The following UGT1A10 variants were observed in gnomAD, a reference collection of about 807,000 sequenced individuals.
UGT1A10 encodes the protein UDP-glucuronosyltransferase 1A10.
UGT1A10 carries 49 observed loss-of-function variants against 45.8 expected under a neutral mutation model. That is an observed-to-expected ratio of 1.07 (90% CI 0.85 to 1.36). The LOEUF is 1.36. Among genes scored for constraint, UGT1A10 ranks in the 40% most tolerant of loss-of-function variants. The pLI, the probability that UGT1A10 is intolerant of heterozygous loss-of-function variation, is 0.00. For synonymous variants in UGT1A10, 284 were observed against 249.7 expected, an observed-to-expected ratio of 1.14 and a Z score of -1.29; for missense variants, 745 against 668.6, an observed-to-expected ratio of 1.11 and a Z score of -1.26.
rs1182689801 is a variant in UGT1A10, at chr2:233,724,261, G to A, written c.856-42773G>A. Among the ~76,000 whole-genome samples, 54 of 98,670 alleles carry A rather than the reference G, an allele frequency of 5.5e-4. 1 individual carries two copies. The highest frequency in any genetic ancestry group is 1.1e-3 in the East Asian group (3 of 2,618). The allele number at this position is 98,670 out of a possible 152,430, so 64.7% of individuals were successfully genotyped here. Reference sequence around the variant, plus strand: ...CGGGCAGAGGCGCCCCTCACCTCCCGGACGGGGCGGCTGGCCGGGCGGGGG... The same window carrying A: ...CGGGCAGAGGCGCCCCTCACCTCCCAGACGGGGCGGCTGGCCGGGCGGGGG... On this transcript the variant is annotated intron_variant, in intron 1 of 4. Coordinates refer to ENST00000344644, the MANE Select transcript of UGT1A10 (RefSeq NM_019075.4).
intron 1 of UGT1A10, among the ~76,000 whole-genome samples, chr2:233,685,862 T>C (rs1362783391): frequency 6.6e-6 from 1 of 152,228 alleles, no homozygotes; most frequent in Non-Finnish European, 1.5e-5. Context: ...ATAGACACAA[T>C]ACCTAAGACA....
chr2:233,716,551 C>A (rs886765309), intron 1 of UGT1A10, among the ~76,000 whole-genome samples: 2 of 152,122 alleles, frequency 1.3e-5, no homozygotes, highest in Admixed American at 6.5e-5. Context: ...TCCTTATATT[C>A]CTTTTTTCAT....
intron 4 of UGT1A10, 126 bp from the exon 5 acceptor site, chr2:233,772,136 A>G (rs1700469037): frequency 6.5e-7 from 1 of 1,547,408 alleles, no homozygotes; most frequent in Non-Finnish European, 8.7e-7. Flanking sequence ...AACAACAATA[A>G]TAGAAACAGG....
At chr2:233,733,201 A>T (rs1269937689) in intron 1 of UGT1A10, among the ~76,000 whole-genome samples, 1 of 152,122 alleles carries the variant, frequency 6.6e-6, no homozygotes, top group Non-Finnish European at 1.5e-5. Flanking sequence ...GCTTAAGGAG[A>T]CTTTGGGCTG....
intron 1 of UGT1A10, chr2:233,682,902 T>C: frequency 6.7e-7 from 1 of 1,503,334 alleles, no homozygotes; most frequent in Non-Finnish European, 8.8e-7. Flanking sequence ...GGAATTTCTT[T>C]CTGGTTTAAG....
intron 1 of UGT1A10, chr2:233,760,773 G>C (rs780985622): frequency 2.5e-6 from 4 of 1,613,826 alleles, no homozygotes; most frequent in Non-Finnish European, 3.4e-6. Flanking sequence ...TCGTGGCCCA[G>C]TACCTGTCTC....
chr2:233,672,977 GA>G, intron 1 of UGT1A10, among the ~76,000 whole-genome samples: 1 of 152,202 alleles, frequency 6.6e-6, no homozygotes, highest in Non-Finnish European at 1.5e-5. Flanking sequence ...CCTTCTTGAA[GA>G]TATGTATTTA....
rs371053346 is a variant in UGT1A10 at position 233,720,746 on chromosome 2, C to T, written c.856-46288C>T. On this transcript the variant is annotated intron_variant, in intron 1 of 4. Coordinates refer to ENST00000344644, the MANE Select transcript of UGT1A10 (RefSeq NM_019075.4). ...CTTGAGACTGAGCCTCGTTCTGTCG[C>T]CCAGGCTGGAGGGCAGTGGCCGGAT... is the stretch of plus-strand genomic sequence containing the variant. Among the ~76,000 whole-genome samples the T allele has an allele frequency of 1.6e-4, 24 of 151,102 alleles. No individual in the cohort carries two copies. The South Asian group carries it at 4.7e-3, about 29-fold the overall frequency.
At chr2:233,751,036 G>T (rs1694621697) in intron 1 of UGT1A10, among the ~76,000 whole-genome samples, 1 of 151,846 alleles carries the variant, frequency 6.6e-6, no homozygotes, top group South Asian at 2.1e-4. Context: ...AGCTTGCACT[G>T]TGTGCCTGGA....
chr2:233,688,628 C>G (rs937345281), intron 1 of UGT1A10, among the ~76,000 whole-genome samples: 2 of 152,130 alleles, frequency 1.3e-5, no homozygotes, highest in Non-Finnish European at 2.9e-5. Flanking sequence ...ATGAGTTCGT[C>G]TTGTTTTTGT....
At chr2:233,759,816 G>A (rs540177588) in intron 1 of UGT1A10, among the ~76,000 whole-genome samples, 1 of 152,166 alleles carries the variant, frequency 6.6e-6, no homozygotes, top group Non-Finnish European at 1.5e-5. Flanking sequence ...AGGCAGTACC[G>A]GGGGAGCTGT....
At chr2:233,661,695 C>CTTTCTTT in intron 1 of UGT1A10, among the ~76,000 whole-genome samples, 2 of 116,846 alleles carry the variant, frequency 1.7e-5, no homozygotes, top group African/African-American at 3.5e-5. Context: ...AAACAAAGGT[C>CTTTCTTT]CTTATCTGGA....
intron 1 of UGT1A10, chr2:233,693,337 G>T: frequency 6.2e-7 from 1 of 1,614,218 alleles, no homozygotes; most frequent in Non-Finnish European, 8.5e-7. Context: ...CTCAGACAGA[G>T]TACAGGAATA....
rs528561296 is a variant in UGT1A10 at position 233,741,118 on chromosome 2, C to T, written c.856-25916C>T. On this transcript the variant is annotated intron_variant, in intron 1 of 4. Transcript: ENST00000344644. Reference sequence around the variant, plus strand: ...AAACAGACAATCAAGCTTTACACTTCTATAAAAGCAACACTTTCCATTTAT... The same window carrying T: ...AAACAGACAATCAAGCTTTACACTTTTATAAAAGCAACACTTTCCATTTAT... Among the ~76,000 whole-genome samples the T allele has an allele frequency of 4.6e-4, 70 of 151,828 alleles. 2 individuals are homozygous for T. Among genetic ancestry groups the T allele is most frequent in the African/African-American group, 1.6e-3 (68 of 41,226 alleles).
At chr2:233,705,496 C>T (rs190154138) in intron 1 of UGT1A10, among the ~76,000 whole-genome samples, 1 of 152,074 alleles carries the variant, frequency 6.6e-6, no homozygotes. Flanking sequence ...ATAATAAATA[C>T]CTTTTTAAGA....
chr2:233,708,919 A>G (rs1575489691), intron 1 of UGT1A10, among the ~76,000 whole-genome samples: 1 of 152,120 alleles, frequency 6.6e-6, no homozygotes, highest in East Asian at 1.9e-4. Context: ...ATTGCTTGCT[A>G]CAGAGCCAAA....
At chr2:233,771,313 C>G (rs1428095504) in intron 4 of UGT1A10, 1 of 152,138 alleles carries the variant, frequency 6.6e-6, no homozygotes, top group Non-Finnish European at 1.5e-5. Context: ...CCTTTTCCCT[C>G]TCCTCTTCAA....
At chr2:233,747,966 G>C in intron 1 of UGT1A10, 17 of 1,613,448 alleles carry the variant, frequency 1.1e-5, no homozygotes, top group Non-Finnish European at 1.4e-5. Context: ...TCTCAGCCAT[G>C]CATCTGTGTG....
chr2:233,772,138 AG>A lies in UGT1A10; in HGVS notation c.1296-123del, dbSNP rs1367045628. 6 of 1,548,126 alleles carry A rather than the reference AG, an allele frequency of 3.9e-6. No homozygotes were observed. In the African/African-American group the frequency reaches 8.2e-5, roughly 21 times the overall value. ...TAAAAACAACAACAACAACAATAATAGAAACAGGTTTCCTTTCCCAAGTTTG... is the reference window on the plus strand; with the variant it reads ...TAAAAACAACAACAACAACAATAATAAAACAGGTTTCCTTTCCCAAGTTTG... On this transcript the variant is annotated intron_variant, in intron 4 of 4. Coordinates refer to ENST00000344644, the MANE Select transcript of UGT1A10 (RefSeq NM_019075.4).
Sources: allele counts gnomAD v4.1 joint callset (sites outside exome capture counted in the v4.1 genomes callset), GRCh38; gene constraint gnomAD v4.1.1; transcripts MANE v1.5; gene names NCBI Gene and HGNC (gene_info 2026-07-23, HGNC 2026-07-21).